Variants in COL4A5 observed in about 807,000 individuals in gnomAD.
COL4A5 encodes collagen type IV alpha 5 chain.
Under a neutral mutation model 130.2 loss-of-function variants are expected in COL4A5, and 26 were observed. That is an observed-to-expected ratio of 0.20 (90% CI 0.15 to 0.28). COL4A5 has a LOEUF of 0.28. Ranked by LOEUF, COL4A5 falls within the 10% of genes least tolerant of loss-of-function variation. The pLI, the probability that COL4A5 is intolerant of heterozygous loss-of-function variation, is 1.00. For synonymous variants in COL4A5, 496 were observed against 439.6 expected (o/e 1.13, Z -1.60); for missense variants, 1,131 against 1,344.3 (o/e 0.84, Z 2.48).
intron 37 of COL4A5, among the ~76,000 whole-genome samples, chrX:108,661,438 G>C (rs1179185967): frequency 8.9e-6 from 1 of 111,765 alleles, no homozygotes; most frequent in Non-Finnish European, 1.9e-5. Context: ...TCTTTTAAGA[G>C]TTATCATATT....
At chrX:108,523,416 T>G (rs1259628387) in intron 1 of COL4A5, among the ~76,000 whole-genome samples, 1 of 112,169 alleles carries the variant, frequency 8.9e-6, no homozygotes, top group African/African-American at 3.2e-5. Flanking sequence ...TATGGGTTTA[T>G]TTTTGTAATC....
intron 1 of COL4A5, among the ~76,000 whole-genome samples, chrX:108,475,735 A>G (rs1275905831): frequency 9.0e-6 from 1 of 111,140 alleles, no homozygotes; most frequent in Non-Finnish European, 1.9e-5. Context: ...ATGTTTTACT[A>G]ACTCTGGCAC....
chrX:108,616,215 G>GTT (rs767806022), intron 30 of COL4A5, among the ~76,000 whole-genome samples: 7 of 104,533 alleles, frequency 6.7e-5, no homozygotes, highest in African/African-American at 2.4e-4. Flanking sequence ...TTGACCTGCT[G>GTT]TTTTTTTTTT....
chrX:108,670,759 G>A (rs1426147328), intron 42 of COL4A5: 2 of 321,072 alleles, frequency 6.2e-6, no homozygotes, highest in South Asian at 2.7e-5. Context: ...TGGACTAATA[G>A]GGCCGGGCAC....
Position 108,695,428 on chromosome X carries a change from A to C in COL4A5, c.4983A>C (p.Ser1661=). Residue 1661 remains serine (S), a synonymous_variant, in exon 52 of 53, where the codon TCA becomes TCC. Coordinates refer to ENST00000328300, the MANE Select transcript of COL4A5 (RefSeq NM_033380.3). The part of the protein sequence containing the change: ...YSFWLATVDV[S]DMFSKPQSET... ...TTTGGCTGGCAACTGTAGATGTGTC[A>C]GACATGTTCAGGTAAAGTGCTTATA... The C allele has an allele frequency of 8.3e-7, 1 of 1,211,096 alleles. No homozygotes were observed. Among genetic ancestry groups the C allele is most frequent in the Non-Finnish European group, 1.1e-6 (1 of 895,081 alleles).
At chrX:108,598,630 GT>G (rs1218100692) in intron 24 of COL4A5, 71 bp from the exon 25 acceptor site, 11 of 976,790 alleles carry the variant, frequency 1.1e-5, no homozygotes, top group Non-Finnish European at 1.5e-5. Context: ...CCTTTCCCCA[GT>G]TGTATTCAGT....
chrX:108,463,311 C>G (rs2064672263), intron 1 of COL4A5, among the ~76,000 whole-genome samples: 1 of 111,531 alleles, frequency 9.0e-6, no homozygotes, highest in African/African-American at 3.3e-5. Flanking sequence ...TATTCTAAAG[C>G]CTTAATAAAA....
At chrX:108,548,095 C>G (rs776613821) in intron 2 of COL4A5, among the ~76,000 whole-genome samples, 1 of 111,342 alleles carries the variant, frequency 9.0e-6, no homozygotes, top group East Asian at 2.9e-4. Flanking sequence ...GGCTCACGCT[C>G]GGTGCGCTGC....
chrX:108,440,231 C>T (rs1603241568), intron 1 of COL4A5, 25 bp downstream of exon 1: 2 of 1,035,467 alleles, frequency 1.9e-6, no homozygotes, highest in Non-Finnish European at 2.7e-6. Context: ...CCCTCCCCCG[C>T]GCCCATCACC....
chrX:108,473,631 A>ATT (rs1406126217), intron 1 of COL4A5, among the ~76,000 whole-genome samples: 2 of 26,476 alleles, frequency 7.6e-5, no homozygotes, highest in Non-Finnish European at 1.9e-4. Flanking sequence ...ATATATATAT[A>ATT]TATTTTTTTT....
At chrX:108,678,941 C>T (rs1227317915) in intron 44 of COL4A5, among the ~76,000 whole-genome samples, 4 of 110,776 alleles carry the variant, frequency 3.6e-5, no homozygotes, top group Non-Finnish European at 7.6e-5. Flanking sequence ...TTCATGACCT[C>T]GACATTTTTA....
chrX:108,603,257 CAAAA>C (rs762022225), intron 28 of COL4A5, among the ~76,000 whole-genome samples, 196 bp downstream of exon 28: 15 of 43,272 alleles, frequency 3.5e-4, no homozygotes, highest in African/African-American at 8.8e-4. Context: ...ACATTTGGAG[CAAAA>C]AAAAAAAAAA....
chrX:108,543,910 G>A (rs1160740523), intron 2 of COL4A5, among the ~76,000 whole-genome samples: 1 of 111,623 alleles, frequency 9.0e-6, no homozygotes, highest in African/African-American at 3.3e-5. Context: ...CTCTCTGTTT[G>A]TCTGTTACTG....
chrX:108,623,980 A>C (rs930737551), intron 33 of COL4A5, among the ~76,000 whole-genome samples: 4 of 111,713 alleles, frequency 3.6e-5, no homozygotes, highest in Non-Finnish European at 7.5e-5. Context: ...TTATTTCTTC[A>C]TTTCCATTGT....
At chrX:108,479,059 C>T (rs756373204) in intron 1 of COL4A5, among the ~76,000 whole-genome samples, 1 of 112,312 alleles carries the variant, frequency 8.9e-6, no homozygotes, top group South Asian at 3.7e-4. Flanking sequence ...CCCCTGCCAC[C>T]ATGGCCAGGG....
intron 1 of COL4A5, among the ~76,000 whole-genome samples, chrX:108,497,428 T>C (rs1020614009): frequency 9.0e-6 from 1 of 111,445 alleles, no homozygotes; most frequent in Non-Finnish European, 1.9e-5. Flanking sequence ...GTGTAAACAT[T>C]TGGGGACCTA....
At chrX:108,459,013 C>T (rs1404174701) in intron 1 of COL4A5, among the ~76,000 whole-genome samples, 1 of 111,308 alleles carries the variant, frequency 9.0e-6, no homozygotes, top group Non-Finnish European at 1.9e-5. Context: ...TTTCTCTCAG[C>T]AATGTTTTCA....
chrX:108,690,301 G>C (rs777253427), intron 49 of COL4A5, among the ~76,000 whole-genome samples: 62 of 111,821 alleles, frequency 5.5e-4, no homozygotes, highest in African/African-American at 2.0e-3. Context: ...TTACATGACT[G>C]TGAGTCAGTC....
At chrX:108,648,612 A>G (rs964334360) in intron 36 of COL4A5, among the ~76,000 whole-genome samples, 1 of 112,280 alleles carries the variant, frequency 8.9e-6, no homozygotes, top group Non-Finnish European at 1.9e-5. Flanking sequence ...GTGATACACC[A>G]CATAAACAGA....
Sources: allele counts gnomAD v4.1 joint callset (sites outside exome capture counted in the v4.1 genomes callset), GRCh38; gene constraint gnomAD v4.1.1; transcripts MANE v1.5; gene names NCBI Gene and HGNC (gene_info 2026-07-23, HGNC 2026-07-21).